The following DGKD variants were observed in gnomAD, a reference collection of about 807,000 sequenced individuals.
DGKD encodes the protein diacylglycerol kinase delta, also known as DAG kinase delta.
A neutral mutation model predicts 154.4 loss-of-function variants in DGKD; 68 were observed. The observed-to-expected ratio is 0.44, with a 90% confidence interval of 0.36 to 0.54. The LOEUF is 0.54. Ranked by LOEUF, DGKD falls within the 20% of genes least tolerant of loss-of-function variation. DGKD has a pLI of 0.00. For synonymous variants in DGKD, 693 were observed against 638.0 expected (o/e 1.09, Z -1.30); for missense variants, 1,343 against 1,593.6 (o/e 0.84, Z 2.68).
chr2:233,451,570 CTT>C (rs201064758), intron 17 of DGKD, among the ~76,000 whole-genome samples: 35 of 141,532 alleles, frequency 2.5e-4, no homozygotes, highest in Admixed American at 2.8e-4. Flanking sequence ...CTCTATAAGC[CTT>C]TTTTTTTTTT....
At chr2:233,426,648 T>A (rs1001019095) in intron 3 of DGKD, among the ~76,000 whole-genome samples, 1 of 152,210 alleles carries the variant, frequency 6.6e-6, no homozygotes, top group Admixed American at 6.5e-5. Flanking sequence ...AATGTATGAG[T>A]ATACTACAGT....
At chr2:233,356,999 T>C (rs1701557013) in intron 1 of DGKD, among the ~76,000 whole-genome samples, 1 of 152,118 alleles carries the variant, frequency 6.6e-6, no homozygotes, top group African/African-American at 2.4e-5. Flanking sequence ...ACAGGTGATG[T>C]GAGAACTGAG....
chr2:233,431,680 T>C (rs2062517268), intron 3 of DGKD, among the ~76,000 whole-genome samples: 1 of 152,198 alleles, frequency 6.6e-6, no homozygotes, highest in African/African-American at 2.4e-5. Context: ...ACATCCACAG[T>C]GAACACATTT....
intron 1 of DGKD, among the ~76,000 whole-genome samples, chr2:233,367,275 C>T (rs919968908): frequency 6.6e-6 from 1 of 151,204 alleles, no homozygotes; most frequent in South Asian, 2.1e-4. Context: ...GTCGCCCAGA[C>T]TGGAGTGCAG....
intron 29 of DGKD, 85 bp downstream of exon 29, chr2:233,468,638 ATGT>A: frequency 1.3e-6 from 2 of 1,572,662 alleles, no homozygotes; most frequent in South Asian, 1.2e-5. Flanking sequence ...CGACCTGGCC[ATGT>A]CCCAGCATCA....
Position 233,434,744 on chromosome 2 carries a change from T to C in DGKD, c.454-25T>C, listed in dbSNP as rs116803002. On this transcript the variant is annotated intron_variant, in intron 4 of 29. Transcript: ENST00000264057. ...CAATTTAAAAGAGAAGTCTTATCTT[T>C]GCCCTCTTGGTTTCGTTCTTCCAGC... The C allele has an allele frequency of 3.0e-3, 4,743 of 1,596,596 alleles. 125 individuals carry two copies. The African/African-American group carries it at 0.055, about 19-fold the overall frequency.
intron 1 of DGKD, among the ~76,000 whole-genome samples, chr2:233,356,454 C>T (rs1701538158): frequency 6.6e-6 from 1 of 152,142 alleles, no homozygotes; most frequent in Admixed American, 6.5e-5. Context: ...ATAGGAGTTG[C>T]TTTCTCCTGT....
intron 18 of DGKD, among the ~76,000 whole-genome samples, chr2:233,453,143 C>T (rs925869097): frequency 1.3e-5 from 2 of 152,246 alleles, no homozygotes; most frequent in Admixed American, 1.3e-4. Flanking sequence ...ACTTCCACTT[C>T]TGTTGCTCAG....
chr2:233,469,662 A>G lies in DGKD; in HGVS notation c.*202A>G. The G allele has an allele frequency of 1.7e-6, 1 of 580,184 alleles. No individual in the cohort carries two copies. Among genetic ancestry groups the G allele is most frequent in the Non-Finnish European group, 3.1e-6 (1 of 324,758 alleles). The allele number at this position is 580,184 out of a possible 1,614,324, so 35.9% of individuals were successfully genotyped here. ...CCACCAGAGCTCTGGGGTCTCGAAC[A>G]TAACAACACAGCTACCTTTGAAACA... On this transcript the variant is annotated 3_prime_UTR_variant, in exon 30 of 30. Transcript: ENST00000264057.
chr2:233,471,196 G>A lies in DGKD; in HGVS notation c.*1736G>A, dbSNP rs79479131. 16 of 152,496 alleles carry A rather than the reference G, an allele frequency of 1.0e-4. No individual in the cohort carries two copies. The East Asian group carries it at 2.5e-3, about 23-fold the overall frequency. 9.4% of individuals were successfully genotyped at this position (152,496 alleles called of 1,614,324 possible). A position where few individuals can be genotyped will look rare whatever the true frequency, so the allele number is the denominator to read the frequency against. ...GGTTTCCCCAGCACAGCCTCCTGTC[G>A]CTGCATGCGACGTGTTGGGATTTTT... On this transcript the variant is annotated 3_prime_UTR_variant, in exon 30 of 30. Transcript: ENST00000264057.
At chr2:233,397,304 G>A (rs1456391419) in intron 3 of DGKD, among the ~76,000 whole-genome samples, 1 of 111,218 alleles carries the variant, frequency 9.0e-6, no homozygotes, top group Non-Finnish European at 1.9e-5. Flanking sequence ...GGTGGCTGGG[G>A]GGGGGGCCAG....
chr2:233,400,398 C>T (rs757088826), intron 3 of DGKD, among the ~76,000 whole-genome samples: 2 of 152,160 alleles, frequency 1.3e-5, no homozygotes, highest in Non-Finnish European at 2.9e-5. Context: ...TGGCCATTTC[C>T]ACTCCCACAG....
intron 3 of DGKD, among the ~76,000 whole-genome samples, chr2:233,422,912 C>A (rs2062166289): frequency 6.6e-6 from 1 of 152,192 alleles, no homozygotes; most frequent in South Asian, 2.1e-4. Context: ...TGCCCTTTTA[C>A]AGCCTCACAC....
Position 233,467,145 on chromosome 2 carries a change from G to A in DGKD, c.3366G>A (p.Lys1122=), listed in dbSNP as rs1482327670. The change falls in exon 28 of 30, where the codon AAG becomes AAA. Residue 1122 remains lysine (K), a synonymous_variant. Transcript: ENST00000264057. ...GTGGTAAATTCCGCCTCGTGACCAA[G>A]TTTAAAAAGGAGAAAAACAACAAGA... is the stretch of plus-strand genomic sequence containing the variant. The part of the protein sequence containing the change: ...SRSGKFRLVT[K]FKKEKNNKNK... 3.7e-6 allele frequency: 6 copies of A among 1,614,214 alleles called. No homozygotes were observed. The highest frequency in any genetic ancestry group is 2.2e-5 in the East Asian group (1 of 44,890).
chr2:233,428,959 G>T (rs1475702467), intron 3 of DGKD, among the ~76,000 whole-genome samples: 3 of 152,046 alleles, frequency 2.0e-5, no homozygotes, highest in South Asian at 2.1e-4. Context: ...AGTGTTTATT[G>T]TCTGCAAACA....
intron 3 of DGKD, among the ~76,000 whole-genome samples, chr2:233,434,033 A>G (rs1262263687): frequency 6.6e-6 from 1 of 152,240 alleles, no homozygotes; most frequent in Non-Finnish European, 1.5e-5. Flanking sequence ...TCCCTGAAGC[A>G]GTAGCAACTG....
chr2:233,370,302 C>A (rs1205728652), intron 1 of DGKD, among the ~76,000 whole-genome samples: 1 of 152,184 alleles, frequency 6.6e-6, no homozygotes, highest in Admixed American at 6.5e-5. Context: ...CAATCTCTGC[C>A]TCCCAGGTTC....
At chr2:233,389,804 C>G (rs551598586) in intron 2 of DGKD, among the ~76,000 whole-genome samples, 1 of 152,234 alleles carries the variant, frequency 6.6e-6, no homozygotes, top group South Asian at 2.1e-4. Context: ...GGGGAGGTCC[C>G]CAGGCCTGAC....
At position 233,469,838 on chromosome 2, in the gene DGKD, T is replaced by C. The variant is rs1252177652; in HGVS notation, c.*378T>C. On this transcript the variant is annotated 3_prime_UTR_variant, in exon 30 of 30. Coordinates refer to ENST00000264057, the MANE Select transcript of DGKD (RefSeq NM_152879.3). The stretch of plus-strand genomic sequence containing the variant: ...GTGCTTGGATTGTCCCGGGGGCTCC[T>C]CTCCGTGTGTCCTTCTGTGGCCGCA... The C allele has an allele frequency of 5.2e-6, 1 of 192,708 alleles. No individual in the cohort carries two copies. Among genetic ancestry groups the C allele is most frequent in the Admixed American group, 5.7e-5 (1 of 17,446 alleles). 11.9% of individuals were successfully genotyped at this position (192,708 alleles called of 1,614,324 possible).
Sources: allele counts gnomAD v4.1 joint callset (sites outside exome capture counted in the v4.1 genomes callset), GRCh38; gene constraint gnomAD v4.1.1; transcripts MANE v1.5; gene names NCBI Gene and HGNC (gene_info 2026-07-23, HGNC 2026-07-21).